The following KANK4 variants were observed in gnomAD, a reference collection of about 807,000 sequenced individuals.
KANK4 encodes KN motif and ankyrin repeat domain-containing protein 4.
Under a neutral mutation model 80.8 loss-of-function variants are expected in KANK4, and 50 were observed. The observed-to-expected ratio is 0.62, with a 90% confidence interval of 0.49 to 0.78. The LOEUF is 0.78. Ranked by LOEUF, KANK4 falls within the 30% of genes least tolerant of loss-of-function variation. KANK4 has a pLI of 0.00. For missense variants in KANK4, 1,196 were observed against 1,240.1 expected (o/e 0.96, Z 0.53); for synonymous variants, 465 against 506.9 (o/e 0.92, Z 1.11).
intron 1 of KANK4, among the ~76,000 whole-genome samples, chr1:62,315,625 C>T (rs565541452): frequency 2.0e-4 from 31 of 152,224 alleles, no homozygotes; most frequent in African/African-American, 6.7e-4. Flanking sequence ...TGAGTCCCCC[C>T]GCCCACAGAT....
chr1:62,246,817 A>G (rs942478967), intron 9 of KANK4, among the ~76,000 whole-genome samples: 9 of 151,152 alleles, frequency 6.0e-5, no homozygotes, highest in African/African-American at 2.2e-4. Flanking sequence ...CTGGAGTGCA[A>G]TAGTGCGATC....
intron 7 of KANK4, among the ~76,000 whole-genome samples, chr1:62,257,917 C>T (rs1370967850): frequency 6.6e-6 from 1 of 152,172 alleles, no homozygotes; most frequent in Non-Finnish European, 1.5e-5. Flanking sequence ...TGGCCTGGCC[C>T]ACCCAGAAAC....
intron 9 of KANK4, among the ~76,000 whole-genome samples, chr1:62,242,733 C>T (rs1557464926): frequency 6.6e-6 from 1 of 152,092 alleles, no homozygotes; most frequent in Non-Finnish European, 1.5e-5. Context: ...GAATTCTCTC[C>T]CAGTTTTCCA....
At position 62,253,228 on chromosome 1, in the gene KANK4, G is replaced by GTGC; in HGVS notation, c.2540-22_2540-20dup. On this transcript the variant is annotated intron_variant, in intron 7 of 9. Coordinates refer to ENST00000371153, the MANE Select transcript of KANK4 (RefSeq NM_181712.5). ...CAGACGCCTGCAAGAGAAGCAATGGGTGCTGCAAAGGCTCCTGAGGGGCCA... is the reference window on the plus strand; with the variant it reads ...CAGACGCCTGCAAGAGAAGCAATGGGTGCTGCTGCAAAGGCTCCTGAGGGGCCA... 19 of 1,593,480 alleles carry GTGC rather than the reference G, an allele frequency of 1.2e-5. No individual in the cohort carries two copies. Among genetic ancestry groups the GTGC allele is most frequent in the Non-Finnish European group, 1.6e-5 (19 of 1,173,316 alleles).
chr1:62,277,800 A>C (rs1672345769), intron 2 of KANK4, among the ~76,000 whole-genome samples: 1 of 152,228 alleles, frequency 6.6e-6, no homozygotes, highest in Non-Finnish European at 1.5e-5. Flanking sequence ...AGGGACCCCA[A>C]GTGAGAATCA....
At chr1:62,281,776 G>A (rs1672456538) in intron 1 of KANK4, 142 bp from the exon 2 acceptor site, 2 of 623,352 alleles carry the variant, frequency 3.2e-6, no homozygotes, top group African/African-American at 1.8e-5. Flanking sequence ...CAAGGAGGAA[G>A]ATTAAAAACC....
chr1:62,238,413 A>T, intron 9 of KANK4, 32 bp from the exon 10 acceptor site: 1 of 1,585,616 alleles, frequency 6.3e-7, no homozygotes, highest in Non-Finnish European at 8.7e-7. Context: ...AGAAATAAAT[A>T]TCATCCAATC....
At chr1:62,251,771 A>T (rs1006558930) in intron 8 of KANK4, among the ~76,000 whole-genome samples, 3 of 152,194 alleles carry the variant, frequency 2.0e-5, no homozygotes, top group African/African-American at 7.2e-5. Flanking sequence ...AGGCGGGTGG[A>T]TCACCTGAGG....
chr1:62,309,732 GC>G (rs1644482539), intron 1 of KANK4, among the ~76,000 whole-genome samples: 1 of 152,150 alleles, frequency 6.6e-6, no homozygotes, highest in African/African-American at 2.4e-5. Flanking sequence ...CTTAGCCAAG[GC>G]CAGGGGAATT....
chr1:62,314,311 C>T (rs1288103644), intron 1 of KANK4, among the ~76,000 whole-genome samples: 2 of 152,200 alleles, frequency 1.3e-5, no homozygotes, highest in African/African-American at 2.4e-5. Flanking sequence ...CTGCGCCCAG[C>T]CTCCATTCTG....
chr1:62,279,198 GCACACACACA>G (rs10560623), intron 2 of KANK4, among the ~76,000 whole-genome samples: 322 of 146,226 alleles, frequency 2.2e-3, no homozygotes, highest in East Asian at 3.6e-3. Context: ...GCTAGCGCGC[GCACACACACA>G]CACACACACA....
intron 7 of KANK4, 128 bp downstream of exon 7, chr1:62,262,964 T>C (rs1671922018): frequency 1.4e-6 from 1 of 715,580 alleles, no homozygotes. Flanking sequence ...TTCACCACTG[T>C]GCAATTCATC....
chr1:62,277,538 G>T (rs1169622960), intron 2 of KANK4, among the ~76,000 whole-genome samples: 2 of 152,158 alleles, frequency 1.3e-5, no homozygotes, highest in Admixed American at 6.5e-5. Context: ...TGAAGGCTAG[G>T]TCATAAGAAG....
At chr1:62,305,739 G>T (rs1644446511) in intron 1 of KANK4, among the ~76,000 whole-genome samples, 1 of 152,062 alleles carries the variant, frequency 6.6e-6, no homozygotes, top group Admixed American at 6.6e-5. Flanking sequence ...AGAAAAATCG[G>T]GAATCCAAAG....
intron 4 of KANK4, 136 bp from the exon 5 acceptor site, chr1:62,268,641 C>T: frequency 4.3e-6 from 3 of 691,006 alleles, no homozygotes; most frequent in Non-Finnish European, 7.5e-6. Flanking sequence ...CACCTGCCGG[C>T]AGGGTGACAG....
chr1:62,310,945 T>G (rs1446362899), intron 1 of KANK4, among the ~76,000 whole-genome samples: 1 of 152,166 alleles, frequency 6.6e-6, no homozygotes, highest in East Asian at 1.9e-4. Context: ...TAGAACCCAT[T>G]CTGCCTGACT....
chr1:62,299,323 G>T, intron 1 of KANK4, among the ~76,000 whole-genome samples: 1 of 152,222 alleles, frequency 6.6e-6, no homozygotes. Context: ...GCCTCCTAAA[G>T]TGTTCAGATT....
At chr1:62,244,675 C>A (rs1395986576) in intron 9 of KANK4, among the ~76,000 whole-genome samples, 3 of 152,172 alleles carry the variant, frequency 2.0e-5, no homozygotes, top group Non-Finnish European at 4.4e-5. Flanking sequence ...TCCAATTAAA[C>A]CTCTTTCTTT....
At chr1:62,315,151 C>A (rs1395793682) in intron 1 of KANK4, among the ~76,000 whole-genome samples, 2 of 152,148 alleles carry the variant, frequency 1.3e-5, no homozygotes, top group Non-Finnish European at 2.9e-5. Flanking sequence ...AGATTGGCGT[C>A]CTGAGGCACA....
Sources: gnomAD v4.1 joint callset for allele counts (sites outside exome capture counted in the v4.1 genomes callset) on GRCh38, gnomAD v4.1.1 for gene constraint, MANE v1.5 for transcripts, NCBI Gene and HGNC (gene_info 2026-07-23, HGNC 2026-07-21) for gene names.